The following FBXO11 variants were observed in gnomAD, a reference collection of about 807,000 sequenced individuals.
The protein encoded by FBXO11 is F-box protein 11, also known as F-box only protein 11.
A neutral mutation model predicts 117.0 loss-of-function variants in FBXO11; 13 were observed. The ratio of observed to expected loss-of-function variants is 0.11; its 90% CI spans 0.07 to 0.18. FBXO11 has a LOEUF of 0.18. FBXO11 is among the 10% of genes least tolerant of loss of function. The probability of loss-of-function intolerance (pLI) is 1.00; values close to 1 mark genes in which losing one functional copy is unlikely to be tolerated. For synonymous variants in FBXO11, 490 were observed against 380.5 expected (o/e 1.29, Z -3.35); for missense variants, 767 against 1,164.4 (o/e 0.66, Z 4.97).
At chr2:47,864,565 C>T (rs1253943801) in intron 1 of FBXO11, among the ~76,000 whole-genome samples, 3 of 152,044 alleles carry the variant, frequency 2.0e-5, no homozygotes, top group Middle Eastern at 6.8e-3. Flanking sequence ...CCAGGCTGGA[C>T]GACAAGAGTA....
chr2:47,861,496 T>A (rs191339918), intron 1 of FBXO11, among the ~76,000 whole-genome samples: 5 of 152,052 alleles, frequency 3.3e-5, no homozygotes, highest in Non-Finnish European at 5.9e-5. Context: ...TTAAAAAAAT[T>A]TTTTTTGGAG....
At chr2:47,899,444 C>T (rs1558484965) in intron 1 of FBXO11, among the ~76,000 whole-genome samples, 1 of 152,104 alleles carries the variant, frequency 6.6e-6, no homozygotes, top group Non-Finnish European at 1.5e-5. Flanking sequence ...AAATATCTAT[C>T]ATGTGCTAGG....
At chr2:47,902,558 A>C (rs1025846408) in intron 1 of FBXO11, among the ~76,000 whole-genome samples, 7 of 152,130 alleles carry the variant, frequency 4.6e-5, no homozygotes, top group Non-Finnish European at 8.8e-5. Context: ...TATATACACA[A>C]ATATACCCAC....
intron 1 of FBXO11, among the ~76,000 whole-genome samples, chr2:47,896,953 A>C (rs1334171444): frequency 1.3e-5 from 2 of 152,222 alleles, no homozygotes; most frequent in Non-Finnish European, 2.9e-5. Context: ...CTATGATAGA[A>C]GTCTGGAAAG....
At chr2:47,849,695 T>C (rs1397310701) in intron 1 of FBXO11, among the ~76,000 whole-genome samples, 4 of 152,178 alleles carry the variant, frequency 2.6e-5, no homozygotes, top group Non-Finnish European at 4.4e-5. Flanking sequence ...GATGTGGGTA[T>C]TGGTGTAAGA....
chr2:47,839,365 G>A (rs946364063), intron 3 of FBXO11, 54 bp downstream of exon 3: 1 of 1,507,082 alleles, frequency 6.6e-7, no homozygotes, highest in African/African-American at 1.4e-5. Context: ...TTGGTATCAA[G>A]CAAAATTAAA....
chr2:47,839,510 C>T lies in FBXO11; in HGVS notation c.361-10G>A, dbSNP rs1307094157. ...TTGAAGTTGAGGCGCCCTTCAAAAA[C>T]AAAACAGAAACTAGTAAAGCAAATA... On this transcript the variant is annotated splice_polypyrimidine_tract_variant and intron_variant, in intron 2 of 22. Coordinates refer to ENST00000403359, the MANE Select transcript of FBXO11 (RefSeq NM_001190274.2). The T allele has an allele frequency of 1.9e-6, 3 of 1,613,038 alleles. No individual in the cohort carries two copies. The highest frequency in any genetic ancestry group is 1.3e-5 in the African/African-American group (1 of 74,856).
intron 1 of FBXO11, among the ~76,000 whole-genome samples, chr2:47,856,674 C>T (rs936549035): frequency 1.3e-5 from 2 of 152,168 alleles, no homozygotes; most frequent in Non-Finnish European, 2.9e-5. Context: ...ATATTCAGCA[C>T]TATAGAGGTA....
chr2:47,900,640 GTA>G lies in FBXO11; in HGVS notation c.232+4847_232+4848del, dbSNP rs1484351873. Among the ~76,000 whole-genome samples, 102 of 73,488 alleles carry G rather than the reference GTA, an allele frequency of 1.4e-3. 9 individuals carry two copies. In the South Asian group the frequency reaches 0.017, roughly 12 times the overall value. 48.2% of individuals were successfully genotyped at this position (73,488 alleles called of 152,430 possible). A position where few individuals can be genotyped will look rare whatever the true frequency, so the allele number is the denominator to read the frequency against. On this transcript the variant is annotated intron_variant, in intron 1 of 22. Transcript: ENST00000403359. Reference sequence around the variant, plus strand: ...TATACACACGTATACACACACGTACGTATATACACACGTATACACACACGTAC... The same window carrying G: ...TATACACACGTATACACACACGTACGTATACACACGTATACACACACGTAC...
chr2:47,863,981 A>G (rs942532035), intron 1 of FBXO11, among the ~76,000 whole-genome samples: 1 of 151,946 alleles, frequency 6.6e-6, no homozygotes, highest in Non-Finnish European at 1.5e-5. Context: ...CAAATCAATA[A>G]ATCTAAAGCT....
At chr2:47,860,311 G>A (rs1289992745) in intron 1 of FBXO11, among the ~76,000 whole-genome samples, 1 of 152,014 alleles carries the variant, frequency 6.6e-6, no homozygotes, top group Non-Finnish European at 1.5e-5. Flanking sequence ...GCCAGGGCAT[G>A]AGAAATTGGC....
intron 19 of FBXO11, 151 bp downstream of exon 19, chr2:47,810,165 T>G: frequency 1.8e-6 from 1 of 571,294 alleles, no homozygotes; most frequent in Non-Finnish European, 3.0e-6. Flanking sequence ...AGAACTTGAT[T>G]AGGTGCTCTT....
intron 1 of FBXO11, among the ~76,000 whole-genome samples, chr2:47,871,921 C>G (rs554158383): frequency 2.0e-5 from 3 of 152,306 alleles, no homozygotes; most frequent in African/African-American, 7.2e-5. Context: ...TTCCACATGT[C>G]ATATATATTT....
chr2:47,870,311 T>C (rs1299755120), intron 1 of FBXO11, among the ~76,000 whole-genome samples: 2 of 152,208 alleles, frequency 1.3e-5, no homozygotes, highest in African/African-American at 4.8e-5. Context: ...TGCTTCTGAT[T>C]GCTACATAGT....
At chr2:47,878,049 G>A (rs1676141208) in intron 1 of FBXO11, among the ~76,000 whole-genome samples, 1 of 152,184 alleles carries the variant, frequency 6.6e-6, no homozygotes, top group African/African-American at 2.4e-5. Context: ...GTCATGGGCA[G>A]GTAGGCCCAG....
intron 1 of FBXO11, among the ~76,000 whole-genome samples, chr2:47,859,189 G>A (rs1378938100): frequency 6.6e-6 from 1 of 152,116 alleles, no homozygotes; most frequent in Admixed American, 6.5e-5. Context: ...ACTCTTCAGA[G>A]ATACGTATTT....
intron 1 of FBXO11, among the ~76,000 whole-genome samples, chr2:47,900,146 G>C (rs1677995679): frequency 6.6e-6 from 1 of 152,068 alleles, no homozygotes; most frequent in Non-Finnish European, 1.5e-5. Flanking sequence ...GGCCTCATCA[G>C]CACAACTTTA....
chr2:47,869,140 G>A (rs539571217), intron 1 of FBXO11, among the ~76,000 whole-genome samples: 1 of 152,156 alleles, frequency 6.6e-6, no homozygotes, highest in Admixed American at 6.5e-5. Context: ...GAATTCACAG[G>A]TCCAGGAAAC....
chr2:47,835,046 T>C (rs1345484624), intron 5 of FBXO11, among the ~76,000 whole-genome samples, 175 bp from the exon 6 acceptor site: 1 of 152,250 alleles, frequency 6.6e-6, no homozygotes, highest in Non-Finnish European at 1.5e-5. Context: ...GATCCGGTAA[T>C]ATCCAGAAAC....
Sources: allele counts gnomAD v4.1 joint callset (sites outside exome capture counted in the v4.1 genomes callset), GRCh38; gene constraint gnomAD v4.1.1; transcripts MANE v1.5; gene names NCBI Gene and HGNC (gene_info 2026-07-23, HGNC 2026-07-21).